The following TG variants were observed in gnomAD, a reference collection of about 807,000 sequenced individuals.
The protein encoded by TG is thyroglobulin.
Under a neutral mutation model 324.7 loss-of-function variants are expected in TG, and 270 were observed. The observed-to-expected ratio is 0.83, with a 90% confidence interval of 0.75 to 0.92. The LOEUF is 0.92. Ranked by LOEUF, TG falls within the 40% of genes least tolerant of loss-of-function variation. The pLI is 0.00. For missense variants in TG, 3,591 were observed against 3,456.4 expected (o/e 1.04, Z -0.98); for synonymous variants, 1,401 against 1,327.0 (o/e 1.06, Z -1.21).
intron 27 of TG, among the ~76,000 whole-genome samples, chr8:132,960,312 AGCATGGG>A: frequency 6.6e-6 from 1 of 152,192 alleles, no homozygotes; most frequent in Non-Finnish European, 1.5e-5. Flanking sequence ...CCTCTCCTGT[AGCATGGG>A]GCTTATTTGC....
At chr8:132,993,728 A>G (rs1832608407) in intron 35 of TG, among the ~76,000 whole-genome samples, 2 of 152,184 alleles carry the variant, frequency 1.3e-5, no homozygotes, top group Non-Finnish European at 2.9e-5. Flanking sequence ...AAGATGGGGA[A>G]AATATATGGA....
chr8:132,941,238 G>T (rs1824402563), intron 25 of TG, 113 bp from the exon 26 acceptor site: 1 of 1,301,812 alleles, frequency 7.7e-7, no homozygotes, highest in Non-Finnish European at 1.1e-6. Flanking sequence ...CCCACACGCT[G>T]CCTGGAGCAC....
intron 45 of TG, among the ~76,000 whole-genome samples, chr8:133,124,450 A>G (rs1851372411): frequency 1.3e-5 from 2 of 152,236 alleles, no homozygotes; most frequent in South Asian, 4.1e-4. Context: ...GAGACAGCCC[A>G]ATCTAGTGAA....
intron 32 of TG, among the ~76,000 whole-genome samples, chr8:132,971,270 G>A (rs1402290302): frequency 6.6e-6 from 1 of 152,196 alleles, no homozygotes; most frequent in African/African-American, 2.4e-5. Context: ...CATTGGTAGA[G>A]AGTGATTATC....
intron 41 of TG, among the ~76,000 whole-genome samples, chr8:133,091,930 T>G (rs1468339550): frequency 6.6e-6 from 1 of 152,024 alleles, no homozygotes; most frequent in Non-Finnish European, 1.5e-5. Flanking sequence ...TACGTCTGTG[T>G]GTGTGTGTGT....
At chr8:133,042,111 G>A (rs563475490) in intron 41 of TG, among the ~76,000 whole-genome samples, 26 of 152,062 alleles carry the variant, frequency 1.7e-4, no homozygotes, top group Admixed American at 3.3e-4. Context: ...ACCCATTTTG[G>A]GGAGGGAAAA....
At chr8:133,024,635 C>A (rs1394929577) in intron 40 of TG, among the ~76,000 whole-genome samples, 1 of 151,698 alleles carries the variant, frequency 6.6e-6, no homozygotes, top group Non-Finnish European at 1.5e-5. Context: ...TGTTCAACTC[C>A]CACTTATGAA....
chr8:132,881,544 T>A (rs1336781982), intron 5 of TG, among the ~76,000 whole-genome samples: 1 of 152,214 alleles, frequency 6.6e-6, no homozygotes, highest in African/African-American at 2.4e-5. Context: ...GCGATTTTCC[T>A]TGACTGCTTT....
chr8:133,065,310 G>T (rs1842894282), intron 41 of TG, among the ~76,000 whole-genome samples: 1 of 152,202 alleles, frequency 6.6e-6, no homozygotes, highest in Non-Finnish European at 1.5e-5. Context: ...CTTGTCCAAG[G>T]TTATACTGCT....
intron 5 of TG, among the ~76,000 whole-genome samples, chr8:132,879,898 G>A (rs1370468800): frequency 6.6e-6 from 1 of 152,226 alleles, no homozygotes; most frequent in East Asian, 1.9e-4. Flanking sequence ...TGTCTGCCAT[G>A]AGCCAGGATG....
intron 27 of TG, 128 bp from the exon 28 acceptor site, chr8:132,960,880 T>C (rs940168028): frequency 3.2e-6 from 3 of 948,232 alleles, no homozygotes; most frequent in Non-Finnish European, 5.2e-6. Context: ...GGGTTACATC[T>C]TACGTGGGAA....
chr8:132,902,254 A>G (rs1818030418), intron 16 of TG, among the ~76,000 whole-genome samples: 1 of 152,194 alleles, frequency 6.6e-6, no homozygotes, highest in African/African-American at 2.4e-5. Flanking sequence ...ATTCTGAGTT[A>G]GCCACAGTTG....
rs573008860 is a variant in TG at position 133,094,913 on chromosome 8, C to A, written c.7240-131C>A. ...TCCTTATCTTCCCATTGTGTGCAGC[C>A]CCAGAATGGGTCCTGGGACTCCCAA... On this transcript the variant is annotated intron_variant, in intron 41 of 47. Coordinates refer to ENST00000220616, the MANE Select transcript of TG (RefSeq NM_003235.5). The A allele has an allele frequency of 7.6e-5, 94 of 1,230,416 alleles. 1 individual carries two copies. Among genetic ancestry groups the A allele is most frequent in the South Asian group, 5.0e-4 (41 of 82,490 alleles). 76.2% of individuals were successfully genotyped at this position (1,230,416 alleles called of 1,614,324 possible). A position where few individuals can be genotyped will look rare whatever the true frequency, so the allele number is the denominator to read the frequency against.
chr8:133,119,781 T>G (rs760075259), intron 45 of TG, among the ~76,000 whole-genome samples: 1 of 152,200 alleles, frequency 6.6e-6, no homozygotes, highest in Non-Finnish European at 1.5e-5. Context: ...AGCTGGTTAG[T>G]TAGCAGTAAC....
intron 34 of TG, among the ~76,000 whole-genome samples, chr8:132,982,244 G>T (rs1033248705): frequency 2.0e-5 from 3 of 152,140 alleles, no homozygotes; most frequent in Non-Finnish European, 4.4e-5. Context: ...GCAGAAAAGT[G>T]GCAAACCAAT....
chr8:132,910,887 A>G (rs1426712502), intron 18 of TG, among the ~76,000 whole-genome samples: 1 of 152,152 alleles, frequency 6.6e-6, no homozygotes, highest in African/African-American at 2.4e-5. Flanking sequence ...CAGGCCTCAC[A>G]ACCGTCTGTC....
rs774564464 is a variant in TG, at chr8:133,011,923, C to T, written c.6285C>T (p.Ser2095=). 1.6e-5 allele frequency: 26 copies of T among 1,614,064 alleles called. No individual in the cohort carries two copies. Among genetic ancestry groups the T allele is most frequent in the Non-Finnish European group, 2.0e-5 (24 of 1,180,050 alleles). Reference sequence around the variant, plus strand: ...TAGTGTCTCTGGACTCGTGGCAGTCCCTGGCCCTCTCTTCAGTGGTTGTTG... The same window carrying T: ...TAGTGTCTCTGGACTCGTGGCAGTCTCTGGCCCTCTCTTCAGTGGTTGTTG... ...TEKVSLDSWQ[S]LALSSVVVDP... The change falls in exon 36 of 48, where the codon TCC becomes TCT. Residue 2095 remains serine (S), a synonymous_variant. Transcript: ENST00000220616.
At chr8:132,969,661 C>A (rs997494521) in intron 32 of TG, 92 bp downstream of exon 32, 9 of 1,039,710 alleles carry the variant, frequency 8.7e-6, no homozygotes, top group Middle Eastern at 2.5e-4. Flanking sequence ...AGAAGCATAC[C>A]CAGCACTTTG....
In TG at chr8:133,013,683, C is replaced by G; in HGVS notation, c.6481C>G (p.Gln2161Glu). The G allele has an allele frequency of 6.2e-7, 1 of 1,614,198 alleles. No homozygotes were observed. ...GAGATGTATGTTCTATGCTGATACT[C>G]AAAGCTGCACACATAGTCTGCAGGG... ...AVRCMFYADT[Q>E]SCTHSLQGQN... The change falls in exon 37 of 48, where the codon CAA becomes GAA. Residue 2161 changes from glutamine (Q) to glutamate (E), a missense_variant. Physicochemically the swap from Gln to Glu is conservative, Grantham distance 29. Transcript: ENST00000220616.
Sources: gnomAD v4.1 joint callset for allele counts (sites outside exome capture counted in the v4.1 genomes callset) on GRCh38, gnomAD v4.1.1 for gene constraint, MANE v1.5 for transcripts, NCBI Gene and HGNC (gene_info 2026-07-23, HGNC 2026-07-21) for gene names.